ERBB4: variants seen among roughly 807,000 people sequenced by gnomAD.
ERBB4 encodes receptor tyrosine-protein kinase erbB-4.
ERBB4 carries 42 observed loss-of-function variants against 158.0 expected under a neutral mutation model. The observed-to-expected ratio is 0.27, with a 90% CI of 0.21 to 0.34. The LOEUF is 0.34. Among genes scored for constraint, ERBB4 ranks in the 10% least tolerant of loss-of-function variants. The probability of loss-of-function intolerance (pLI) is 1.00; values close to 1 mark genes in which losing one functional copy is unlikely to be tolerated. For missense variants in ERBB4, 1,333 were observed against 1,624.1 expected (o/e 0.82, Z 3.08); for synonymous variants, 583 against 558.7 (o/e 1.04, Z -0.61).
chr2:212,491,742 T>C (rs1690290773), intron 1 of ERBB4, among the ~76,000 whole-genome samples: 1 of 151,588 alleles, frequency 6.6e-6, no homozygotes, highest in Non-Finnish European at 1.5e-5. Flanking sequence ...TCCCTCAGTT[T>C]CTACGATTTC....
At chr2:211,893,510 C>T (rs1429568353) in intron 3 of ERBB4, among the ~76,000 whole-genome samples, 1 of 141,568 alleles carries the variant, frequency 7.1e-6, no homozygotes, top group Non-Finnish European at 1.5e-5. Flanking sequence ...GCAAGGACTT[C>T]ATGTCCAAAA....
chr2:212,018,140 T>A (rs1008177601), intron 2 of ERBB4, among the ~76,000 whole-genome samples: 1 of 152,102 alleles, frequency 6.6e-6, no homozygotes, highest in Admixed American at 6.5e-5. Flanking sequence ...CCAGGAAGAA[T>A]AACAAATCCT....
intron 20 of ERBB4, among the ~76,000 whole-genome samples, chr2:211,530,087 C>T (rs1851174): frequency 0.69 from 105,388 of 151,888 alleles, 36,592 homozygotes; most frequent in East Asian, 0.8. Flanking sequence ...CAATCTCATA[C>T]CTAGAAAAAC....
At chr2:211,772,848 T>TATATATATACAC (rs1559504323) in intron 4 of ERBB4, among the ~76,000 whole-genome samples, 24 of 64,308 alleles carry the variant, frequency 3.7e-4, no homozygotes, top group African/African-American at 1.6e-3. Context: ...CATATATATA[T>TATATATATACAC]ATATATATAT....
intron 1 of ERBB4, among the ~76,000 whole-genome samples, chr2:212,140,421 G>GTT (rs1190529844): frequency 1.1e-4 from 16 of 139,662 alleles, no homozygotes; most frequent in Non-Finnish European, 1.7e-4. Flanking sequence ...TTATATATAT[G>GTT]TTATATATAT....
At chr2:211,737,830 A>G (rs2074652278) in intron 5 of ERBB4, among the ~76,000 whole-genome samples, 1 of 152,116 alleles carries the variant, frequency 6.6e-6, no homozygotes, top group Non-Finnish European at 1.5e-5. Flanking sequence ...TTTTAACTAA[A>G]TATTATATCA....
At chr2:212,301,798 C>T (rs2086633542) in intron 1 of ERBB4, among the ~76,000 whole-genome samples, 5 of 151,190 alleles carry the variant, frequency 3.3e-5, no homozygotes, top group Non-Finnish European at 1.5e-5. Flanking sequence ...GAATATGTGG[C>T]CCAGGAGGCA....
chr2:211,559,455 G>A (rs2067326878), intron 20 of ERBB4, among the ~76,000 whole-genome samples: 1 of 152,170 alleles, frequency 6.6e-6, no homozygotes. Flanking sequence ...TTCTGTGCCT[G>A]TTGTCCTGGC....
intron 2 of ERBB4, among the ~76,000 whole-genome samples, chr2:212,104,459 A>G (rs1337075074): frequency 6.6e-6 from 1 of 152,172 alleles, no homozygotes; most frequent in Admixed American, 6.5e-5. Context: ...GAAATTCACC[A>G]TATCTCTTCA....
intron 12 of ERBB4, among the ~76,000 whole-genome samples, chr2:211,692,248 T>C (rs1002612861): frequency 3.3e-5 from 5 of 152,158 alleles, no homozygotes; most frequent in Non-Finnish European, 5.9e-5. Context: ...AAATAGAGGA[T>C]TGAGCCCTAG....
At chr2:211,396,130 C>A (rs2062911492) in intron 25 of ERBB4, among the ~76,000 whole-genome samples, 1 of 151,968 alleles carries the variant, frequency 6.6e-6, no homozygotes, top group African/African-American at 2.4e-5. Context: ...AGACTTAAAT[C>A]TCAATTTTAG....
intron 5 of ERBB4, among the ~76,000 whole-genome samples, chr2:211,749,577 C>A (rs2075068856): frequency 6.6e-6 from 1 of 151,950 alleles, no homozygotes; most frequent in African/African-American, 2.4e-5. Context: ...ATGAGAGTGC[C>A]CATGAATTAA....
chr2:211,916,457 T>G (rs1420127511), intron 3 of ERBB4, among the ~76,000 whole-genome samples: 1 of 152,118 alleles, frequency 6.6e-6, no homozygotes, highest in East Asian at 1.9e-4. Context: ...TGGGATTACG[T>G]GCATAAGCCA....
At chr2:211,802,629 AATG>A (rs2076526782) in intron 3 of ERBB4, among the ~76,000 whole-genome samples, 1 of 152,238 alleles carries the variant, frequency 6.6e-6, no homozygotes, top group Admixed American at 6.5e-5. Context: ...ATATGTTTAA[AATG>A]TTGTTTCACT....
chr2:211,956,280 A>C (rs2081028808), intron 2 of ERBB4, among the ~76,000 whole-genome samples: 1 of 152,158 alleles, frequency 6.6e-6, no homozygotes, highest in South Asian at 2.1e-4. Flanking sequence ...AATGTTTGGA[A>C]ACCTTTGAAT....
At chr2:212,062,168 C>T (rs2077792977) in intron 2 of ERBB4, among the ~76,000 whole-genome samples, 1 of 152,112 alleles carries the variant, frequency 6.6e-6, no homozygotes, top group Non-Finnish European at 1.5e-5. Flanking sequence ...AAATTTTCAT[C>T]TTTTCTTTAT....
At chr2:211,751,522 A>C (rs1398328536) in intron 4 of ERBB4, among the ~76,000 whole-genome samples, 1 of 152,216 alleles carries the variant, frequency 6.6e-6, no homozygotes, top group African/African-American at 2.4e-5. Flanking sequence ...AAATCTATTA[A>C]AGCTTAAAAC....
intron 2 of ERBB4, among the ~76,000 whole-genome samples, chr2:211,982,206 C>A (rs1285341196): frequency 6.6e-6 from 1 of 151,858 alleles, no homozygotes; most frequent in Admixed American, 6.6e-5. Context: ...AGTCCCTGTC[C>A]TCCTATAATT....
At chr2:211,763,266 G>A (rs2075461382) in intron 4 of ERBB4, among the ~76,000 whole-genome samples, 1 of 152,198 alleles carries the variant, frequency 6.6e-6, no homozygotes, top group African/African-American at 2.4e-5. Context: ...TAATCTGTGT[G>A]TAGTATGGTC....
Sources: gnomAD v4.1 joint callset for allele counts (sites outside exome capture counted in the v4.1 genomes callset) on GRCh38, gnomAD v4.1.1 for gene constraint, MANE v1.5 for transcripts, NCBI Gene and HGNC (gene_info 2026-07-23, HGNC 2026-07-21) for gene names.